The following GRIN2A variants were observed in gnomAD, a reference collection of about 807,000 sequenced individuals.
GRIN2A encodes the protein glutamate ionotropic receptor NMDA type subunit 2A.
In GRIN2A, 22 loss-of-function variants were observed where a neutral mutation model predicts 113.4. The ratio of observed to expected loss-of-function variants is 0.19; its 90% confidence interval spans 0.14 to 0.28. GRIN2A has a LOEUF of 0.28. Ranked by LOEUF, GRIN2A falls within the 10% of genes least tolerant of loss-of-function variation. The probability of loss-of-function intolerance (pLI) is 1.00; values close to 1 mark genes in which losing one functional copy is unlikely to be tolerated. For synonymous variants in GRIN2A, 827 were observed against 738.4 expected (o/e 1.12, Z -1.94); for missense variants, 1,502 against 1,887.0 (o/e 0.80, Z 3.78).
At chr16:10,077,236 G>C (rs947753519) in intron 2 of GRIN2A, among the ~76,000 whole-genome samples, 4 of 152,096 alleles carry the variant, frequency 2.6e-5, no homozygotes, top group Non-Finnish European at 1.5e-5. Flanking sequence ...GTGACCAGTA[G>C]GATTATAAAT....
chr16:10,086,341 A>T (rs2048084793), intron 2 of GRIN2A, among the ~76,000 whole-genome samples: 1 of 152,170 alleles, frequency 6.6e-6, no homozygotes. Flanking sequence ...ATGAGTATGG[A>T]GGAGCAATGA....
intron 2 of GRIN2A, among the ~76,000 whole-genome samples, chr16:9,949,719 G>A (rs1047570718): frequency 4.6e-5 from 7 of 151,708 alleles, no homozygotes; most frequent in South Asian, 2.1e-4. Context: ...ATGGATGGAC[G>A]GACAGATAAA....
chr16:9,817,642 A>G (rs768148918), intron 10 of GRIN2A, among the ~76,000 whole-genome samples: 2 of 152,348 alleles, frequency 1.3e-5, no homozygotes, highest in Non-Finnish European at 2.9e-5. Flanking sequence ...AGGTGACATG[A>G]CTTGTCCCAG....
chr16:9,990,561 G>A (rs36054992), intron 2 of GRIN2A, among the ~76,000 whole-genome samples: 26,561 of 127,960 alleles, frequency 0.21, 2,659 homozygotes, highest in Middle Eastern at 0.27. Context: ...GCGCGCGCGC[G>A]CGCACACACA....
At chr16:10,104,878 T>C (rs1054098422) in intron 2 of GRIN2A, among the ~76,000 whole-genome samples, 14 of 152,028 alleles carry the variant, frequency 9.2e-5, no homozygotes, top group East Asian at 7.7e-4. Context: ...AGGAGGAAGA[T>C]TGACAGGAAA....
intron 2 of GRIN2A, among the ~76,000 whole-genome samples, chr16:10,018,750 T>C (rs2046656899): frequency 6.6e-6 from 1 of 152,138 alleles, no homozygotes; most frequent in Non-Finnish European, 1.5e-5. Context: ...ACCATGAAGA[T>C]GAGCAGGAAA....
chr16:9,792,980 G>A (rs1756776437), intron 11 of GRIN2A, among the ~76,000 whole-genome samples: 1 of 152,144 alleles, frequency 6.6e-6, no homozygotes, highest in South Asian at 2.1e-4. Flanking sequence ...CTGGCAGCTT[G>A]TTAGAAATGC....
chr16:10,128,130 G>A (rs932808243), intron 2 of GRIN2A, among the ~76,000 whole-genome samples: 6 of 152,146 alleles, frequency 3.9e-5, no homozygotes, highest in African/African-American at 1.4e-4. Context: ...CTGAGAAGGT[G>A]GCACTGTCCA....
chr16:9,757,373 T>TTA lies in GRIN2A; in HGVS notation c.*5775_*5776insTA. On this transcript the variant is annotated 3_prime_UTR_variant, in exon 13 of 13. Transcript: ENST00000330684. ...TAGGGAAGGACTTTTTTTTTTTTTT[T>TTA]AAAAAAGGTATGCTCATAGAATCAG... The TTA allele has an allele frequency of 4.6e-6, 1 of 217,318 alleles. No individual in the cohort carries two copies. Among genetic ancestry groups the TTA allele is most frequent in the Non-Finnish European group, 9.2e-6 (1 of 108,610 alleles). 13.5% of individuals were successfully genotyped at this position (217,318 alleles called of 1,614,324 possible).
intron 5 of GRIN2A, among the ~76,000 whole-genome samples, chr16:9,841,587 T>C (rs1341243685): frequency 6.6e-6 from 1 of 152,136 alleles, no homozygotes; most frequent in East Asian, 1.9e-4. Flanking sequence ...CATTCTATAA[T>C]TACAGAGGCT....
chr16:9,842,022 C>T (rs981234078), intron 5 of GRIN2A, among the ~76,000 whole-genome samples: 4 of 152,208 alleles, frequency 2.6e-5, no homozygotes, highest in East Asian at 3.9e-4. Context: ...GAGGCTGTGG[C>T]GGGTGAACAC....
chr16:10,143,514 TATTA>T (rs754713550), intron 2 of GRIN2A, among the ~76,000 whole-genome samples: 141 of 152,336 alleles, frequency 9.3e-4, no homozygotes, highest in Non-Finnish European at 1.5e-3. Context: ...ATTAAGGAAT[TATTA>T]ATTAAGAGGA....
At chr16:9,997,264 T>G (rs1485796834) in intron 2 of GRIN2A, among the ~76,000 whole-genome samples, 1 of 152,156 alleles carries the variant, frequency 6.6e-6, no homozygotes, top group African/African-American at 2.4e-5. Flanking sequence ...GGGAAAAGGC[T>G]GAGTCTAAAA....
At chr16:9,892,292 A>G (rs540687249) in intron 3 of GRIN2A, among the ~76,000 whole-genome samples, 1 of 152,290 alleles carries the variant, frequency 6.6e-6, no homozygotes, top group Non-Finnish European at 1.5e-5. Flanking sequence ...GACATCAAAG[A>G]GGTAATAGAT....
At chr16:9,884,515 C>G (rs955710832) in intron 4 of GRIN2A, among the ~76,000 whole-genome samples, 15 of 152,060 alleles carry the variant, frequency 9.9e-5, no homozygotes, top group African/African-American at 3.6e-4. Flanking sequence ...TGCCACTGTA[C>G]TCCAGCCTGG....
Position 9,775,348 on chromosome 16 carries a change from C to T in GRIN2A, c.2357-6259G>A, listed in dbSNP as rs185271280. 4.3e-4 allele frequency among the ~76,000 whole-genome samples: 65 copies of T among 152,180 alleles called. 1 individual carries two copies. Among genetic ancestry groups the T allele is most frequent in the African/African-American group, 1.5e-3 (62 of 41,522 alleles). On this transcript the variant is annotated intron_variant, in intron 11 of 12. Coordinates refer to ENST00000330684, the MANE Select transcript of GRIN2A (RefSeq NM_001134407.3). Reference sequence around the variant, plus strand: ...AGGAAGCTGTTGCTTTTTGGTTTTCCGAGGACTTCATTTGTTTTTTTTCTT... The same window carrying T: ...AGGAAGCTGTTGCTTTTTGGTTTTCTGAGGACTTCATTTGTTTTTTTTCTT...
At chr16:10,084,073 C>A (rs148619139) in intron 2 of GRIN2A, among the ~76,000 whole-genome samples, 228 of 152,268 alleles carry the variant, frequency 1.5e-3, no homozygotes, top group African/African-American at 5.3e-3. Context: ...TGCACTCCAG[C>A]CTGGACAACA....
At chr16:10,097,446 A>G (rs920850447) in intron 2 of GRIN2A, among the ~76,000 whole-genome samples, 4 of 152,258 alleles carry the variant, frequency 2.6e-5, no homozygotes, top group Non-Finnish European at 5.9e-5. Context: ...TCCTACCATG[A>G]TCTCATCTAT....
intron 2 of GRIN2A, among the ~76,000 whole-genome samples, chr16:10,002,491 G>C (rs2046338071): frequency 6.6e-6 from 1 of 152,208 alleles, no homozygotes; most frequent in Admixed American, 6.5e-5. Context: ...CACGGATTAG[G>C]TGGGTAAGAG....
Sources: gnomAD v4.1 joint callset for allele counts (sites outside exome capture counted in the v4.1 genomes callset) on GRCh38, gnomAD v4.1.1 for gene constraint, MANE v1.5 for transcripts, NCBI Gene and HGNC (gene_info 2026-07-23, HGNC 2026-07-21) for gene names.